Variants in RANBP2 observed in about 807,000 individuals in gnomAD.
RANBP2 encodes the protein E3 SUMO-protein ligase RanBP2.
RANBP2 carries 57 observed loss-of-function variants against 303.6 expected under a neutral mutation model. The ratio of observed to expected loss-of-function variants is 0.19; its 90% CI spans 0.15 to 0.23. The LOEUF (loss-of-function observed/expected upper bound fraction) is 0.23, where lower values mean the gene tolerates loss of function less well. Ranked by LOEUF, RANBP2 falls within the 10% of genes least tolerant of loss-of-function variation. The probability of loss-of-function intolerance (pLI) is 1.00; values close to 1 mark genes in which losing one functional copy is unlikely to be tolerated. For missense variants in RANBP2, 3,138 were observed against 3,780.8 expected, an observed-to-expected ratio of 0.83 and a Z score of 4.46; for synonymous variants, 1,167 against 1,301.5, an observed-to-expected ratio of 0.90 and a Z score of 2.23.
At chr2:109,586,053 C>T in the RANBP2 span, among the ~76,000 whole-genome samples, 6 of 152,124 alleles carry the variant, frequency 3.9e-5, no homozygotes, top group Non-Finnish European at 8.8e-5. Flanking sequence ...CTTCATACAA[C>T]GAGAGTCTAG....
chr2:109,616,100 T>A, the RANBP2 span: 4 of 1,465,000 alleles, frequency 2.7e-6, no homozygotes, highest in African/African-American at 5.7e-5. Flanking sequence ...CAAAGGTTTA[T>A]TTGTCTTAAT....
the RANBP2 span, among the ~76,000 whole-genome samples, chr2:109,276,195 G>A: frequency 1.3e-5 from 2 of 152,154 alleles, no homozygotes; most frequent in Non-Finnish European, 2.9e-5. Context: ...AAACACCAGC[G>A]TTCTCCCACA....
the RANBP2 span, among the ~76,000 whole-genome samples, chr2:109,451,399 G>T: frequency 6.6e-6 from 1 of 152,144 alleles, no homozygotes; most frequent in Non-Finnish European, 1.5e-5. Context: ...ACAACCAGGG[G>T]CAGACTTGGA....
In RANBP2 at chr2:108,768,207, C is replaced by T; in HGVS notation, c.7668C>T (p.Asn2556=). The change falls in exon 20 of 29, where the codon AAC becomes AAT. Residue 2556 remains asparagine, a synonymous_variant. Coordinates refer to ENST00000283195, the MANE Select transcript of RANBP2 (RefSeq NM_006267.5). The stretch of plus-strand genomic sequence containing the variant: ...GTTTTAATGCACCTTTGAAAAGTAA[C>T]AATAGTGAAACTAGTTCAGTAGCCC... ...GFSFNAPLKS[N]NSETSSVAQS... The T allele has an allele frequency of 6.2e-7, 1 of 1,611,922 alleles. No individual in the cohort carries two copies. Among genetic ancestry groups the T allele is most frequent in the Non-Finnish European group, 8.5e-7 (1 of 1,179,844 alleles).
the RANBP2 span, among the ~76,000 whole-genome samples, chr2:109,039,629 G>A: frequency 2.8e-4 from 42 of 152,282 alleles, no homozygotes; most frequent in East Asian, 7.5e-3. Flanking sequence ...GATTACAGGC[G>A]TGAGCCACTG....
the RANBP2 span, among the ~76,000 whole-genome samples, chr2:109,283,524 A>T: frequency 6.6e-6 from 1 of 151,830 alleles, no homozygotes; most frequent in Non-Finnish European, 1.5e-5. Context: ...AGAGTAGGGG[A>T]GGGATGGGCC....
the RANBP2 span, among the ~76,000 whole-genome samples, chr2:109,396,167 A>G: frequency 4.8e-4 from 73 of 152,326 alleles, no homozygotes; most frequent in Admixed American, 1.0e-3. Context: ...GGGTCCAGAA[A>G]GCTGGCTCCC....
At chr2:108,724,431 A>G (rs1306008850) in intron 1 of RANBP2, among the ~76,000 whole-genome samples, 1 of 152,082 alleles carries the variant, frequency 6.6e-6, no homozygotes, top group Non-Finnish European at 1.5e-5. Flanking sequence ...TTAGTTGATC[A>G]TTTGGTTATC....
the RANBP2 span, among the ~76,000 whole-genome samples, chr2:109,039,086 C>CA: frequency 4.6e-5 from 7 of 152,272 alleles, no homozygotes; most frequent in East Asian, 1.4e-3. Context: ...CTCCATTAGG[C>CA]AAGCAGAATC....
the RANBP2 span, among the ~76,000 whole-genome samples, chr2:109,529,414 C>T: frequency 5.3e-5 from 8 of 151,956 alleles, no homozygotes; most frequent in Admixed American, 4.6e-4. Context: ...GAGGGAGAGC[C>T]GGGGAGGCCG....
chr2:109,743,035 C>T, the RANBP2 span, among the ~76,000 whole-genome samples: 10 of 148,076 alleles, frequency 6.8e-5, no homozygotes, highest in East Asian at 9.7e-4. Context: ...CTTTGGGAGG[C>T]GGAGATGGGA....
chr2:109,371,602 T>C, the RANBP2 span: 1 of 1,614,012 alleles, frequency 6.2e-7, no homozygotes, highest in East Asian at 2.2e-5. Flanking sequence ...ATTCTGACGG[T>C]GCTCAGGAGA....
the RANBP2 span, among the ~76,000 whole-genome samples, chr2:109,659,303 A>G: frequency 6.6e-6 from 1 of 151,800 alleles, no homozygotes; most frequent in African/African-American, 2.4e-5. Flanking sequence ...CTTGCCTGGG[A>G]GGCAGAGGTC....
At chr2:108,929,616 C>T in the RANBP2 span, among the ~76,000 whole-genome samples, 3,810 of 152,268 alleles carry the variant, frequency 0.025, 96 homozygotes, top group African/African-American at 0.06. Context: ...TGAGCCTCCC[C>T]GAGATGAATT....
At chr2:108,872,597 A>G in the RANBP2 span, among the ~76,000 whole-genome samples, 1 of 152,268 alleles carries the variant, frequency 6.6e-6, no homozygotes, top group East Asian at 1.9e-4. Context: ...TGGGAAATCC[A>G]GTATCAAGAT....
chr2:109,370,190 G>GGTCTCTGTCTCTGTCTCT, the RANBP2 span, among the ~76,000 whole-genome samples: 23 of 147,330 alleles, frequency 1.6e-4, no homozygotes, highest in Middle Eastern at 3.5e-3. Context: ...TTGCTGTGGT[G>GGTCTCTGTCTCTGTCTCT]GTCTCTGTCT....
At chr2:109,103,847 GC>G in the RANBP2 span, among the ~76,000 whole-genome samples, 1 of 150,678 alleles carries the variant, frequency 6.6e-6, no homozygotes, top group South Asian at 2.1e-4. Flanking sequence ...AGGCTGGAGT[GC>G]AGTGGCGCAA....
chr2:109,663,310 A>T, the RANBP2 span, among the ~76,000 whole-genome samples: 1 of 152,172 alleles, frequency 6.6e-6, no homozygotes, highest in Non-Finnish European at 1.5e-5. Context: ...ATCTCTATTT[A>T]AGAGCATGTC....
intron 6 of RANBP2, among the ~76,000 whole-genome samples, chr2:108,739,038 A>C (rs1291347794): frequency 6.6e-6 from 1 of 152,206 alleles, no homozygotes; most frequent in Non-Finnish European, 1.5e-5. Context: ...CTCGCTTAAT[A>C]GAACATAGCT....
Sources: gnomAD v4.1 joint callset for allele counts (sites outside exome capture counted in the v4.1 genomes callset) on GRCh38, gnomAD v4.1.1 for gene constraint, MANE v1.5 for transcripts, NCBI Gene and HGNC (gene_info 2026-07-23, HGNC 2026-07-21) for gene names.